The following PFKFB3 variants were observed in gnomAD, a reference collection of about 807,000 sequenced individuals.
PFKFB3 encodes the protein 6-phosphofructo-2-kinase/fructose-2,6-biphosphatase 3, also known as 6-phosphofructo-2-kinase/fructose-2,6-bisphosphatase 3.
PFKFB3 carries 33 observed loss-of-function variants against 68.0 expected under a neutral mutation model. That is an observed-to-expected ratio of 0.49 (90% confidence interval 0.37 to 0.65). The LOEUF (loss-of-function observed/expected upper bound fraction) is 0.65. PFKFB3 is among the 30% of genes least tolerant of loss of function. PFKFB3 has a pLI of 0.00. For missense variants in PFKFB3, 586 were observed against 712.2 expected (o/e 0.82, Z 2.02); for synonymous variants, 315 against 288.2 (o/e 1.09, Z -0.94).
chr10:6,241,187 G>A (rs922798694), intron 14 of PFKFB3, among the ~76,000 whole-genome samples: 13 of 152,138 alleles, frequency 8.5e-5, no homozygotes, highest in African/African-American at 3.1e-4. Flanking sequence ...TTACAGCTGT[G>A]AGCCACCGCG....
the PFKFB3 span, among the ~76,000 whole-genome samples, chr10:6,272,465 G>A: frequency 5.3e-5 from 8 of 152,086 alleles, no homozygotes; most frequent in South Asian, 2.1e-4. Flanking sequence ...AGGCCGAGGC[G>A]GGCGGATCAC....
chr10:6,159,070 C>A (rs1240595851), intron 1 of PFKFB3, among the ~76,000 whole-genome samples: 2 of 152,090 alleles, frequency 1.3e-5, no homozygotes. Context: ...AAATAGACAG[C>A]AACTCTCAAT....
At chr10:6,321,950 C>G in the PFKFB3 span, among the ~76,000 whole-genome samples, 1 of 152,224 alleles carries the variant, frequency 6.6e-6, no homozygotes, top group Non-Finnish European at 1.5e-5. Flanking sequence ...CTCTTTTCTT[C>G]TCTCCCATTC....
At chr10:6,219,119 G>A (rs985983535) in intron 6 of PFKFB3, among the ~76,000 whole-genome samples, 1 of 152,236 alleles carries the variant, frequency 6.6e-6, no homozygotes, top group African/African-American at 2.4e-5. Context: ...GCAGTGGGGG[G>A]TGGAGGAGAA....
At chr10:6,164,359 G>A (rs1376105783) in intron 1 of PFKFB3, among the ~76,000 whole-genome samples, 6 of 152,208 alleles carry the variant, frequency 3.9e-5, no homozygotes, top group Non-Finnish European at 7.4e-5. Flanking sequence ...TGGGGAGAGT[G>A]AGTGAGCGGG....
At chr10:6,181,780 A>G (rs1350236892) in intron 1 of PFKFB3, among the ~76,000 whole-genome samples, 3 of 146,974 alleles carry the variant, frequency 2.0e-5, no homozygotes, top group African/African-American at 7.6e-5. Flanking sequence ...CCTGGGCGAT[A>G]GAGTAAGACT....
At chr10:6,267,760 G>T in the PFKFB3 span, among the ~76,000 whole-genome samples, 1 of 151,780 alleles carries the variant, frequency 6.6e-6, no homozygotes, top group African/African-American at 2.4e-5. Context: ...TTCGAGACCA[G>T]CCTGGCCAAC....
chr10:6,152,843 T>G (rs933129992), intron 1 of PFKFB3, among the ~76,000 whole-genome samples: 4 of 151,924 alleles, frequency 2.6e-5, no homozygotes, highest in African/African-American at 9.7e-5. Context: ...ATCGTACCGC[T>G]GCACTCCAGC....
Position 6,216,212 on chromosome 10 carries a change from C to T in PFKFB3, c.366+21C>T, listed in dbSNP as rs748517372. 6.8e-5 allele frequency: 109 copies of T among 1,610,424 alleles called. No homozygotes were observed. The Admixed American group carries it at 1.5e-3, about 22-fold the overall frequency. ...TTGCGGTAAGTCCAGGCAATGTAGC[C>T]GGCTCGGTGTCCAGTCCCACCCATG... On this transcript the variant is annotated intron_variant, in intron 4 of 14. Transcript: ENST00000379775.
At chr10:6,321,016 C>A in the PFKFB3 span, among the ~76,000 whole-genome samples, 1 of 152,182 alleles carries the variant, frequency 6.6e-6, no homozygotes, top group South Asian at 2.1e-4. Context: ...CCTTTTTACC[C>A]TGCAGTGGAC....
rs1258962959 is a variant in PFKFB3, at chr10:6,159,707, AAAC to A, written c.16+14697_16+14699del. The stretch of plus-strand genomic sequence containing the variant: ...AACTCCGTCTGAGGAAAAAAAAAAA[AAAC>A]AAAACACCAAAAAACCAAAAACCAA... On this transcript the variant is annotated intron_variant, in intron 1 of 14. Coordinates refer to the PFKFB3 transcript ENST00000379789. Among the ~76,000 whole-genome samples, 3 of 151,546 alleles carry A rather than the reference AAAC, an allele frequency of 2.0e-5. No homozygotes were observed. The East Asian group carries it at 5.8e-4, about 29-fold the overall frequency.
chr10:6,225,762 C>T (rs980258415), intron 13 of PFKFB3, among the ~76,000 whole-genome samples: 7 of 151,358 alleles, frequency 4.6e-5, no homozygotes, highest in Non-Finnish European at 7.4e-5. Context: ...CTCGGGTCAG[C>T]GGAAGGGAGT....
At chr10:6,162,025 C>G (rs1841987990) in intron 1 of PFKFB3, among the ~76,000 whole-genome samples, 1 of 152,170 alleles carries the variant, frequency 6.6e-6, no homozygotes. Flanking sequence ...AAACTCTGCA[C>G]CCATTAAACA....
At chr10:6,205,051 AG>A (rs1217576552) in intron 1 of PFKFB3, among the ~76,000 whole-genome samples, 17 of 152,216 alleles carry the variant, frequency 1.1e-4, no homozygotes, top group Non-Finnish European at 1.9e-4. Context: ...ACACGCAGTG[AG>A]AGATTTGCCT....
the PFKFB3 span, among the ~76,000 whole-genome samples, chr10:6,289,998 C>G: frequency 6.6e-6 from 1 of 152,136 alleles, no homozygotes; most frequent in African/African-American, 2.4e-5. Flanking sequence ...TGATTTGGCT[C>G]TCTGTTTGTC....
the PFKFB3 span, among the ~76,000 whole-genome samples, chr10:6,312,568 C>T: frequency 1.3e-5 from 2 of 152,194 alleles, no homozygotes; most frequent in South Asian, 4.1e-4. Context: ...GCTGGCAATT[C>T]TAAACAATGT....
chr10:6,262,024 A>AAC, the PFKFB3 span, among the ~76,000 whole-genome samples: 414 of 151,222 alleles, frequency 2.7e-3, 2 homozygotes, highest in Non-Finnish European at 4.3e-3. Context: ...AAAAACAAAA[A>AAC]AAAAAACACA....
chr10:6,228,408 C>A lies in PFKFB3; in HGVS notation c.1515+2043C>A. 1.5e-6 allele frequency: 1 copy of A among 671,072 alleles called. No individual in the cohort carries two copies. The highest frequency in any genetic ancestry group is 2.7e-6 in the Non-Finnish European group (1 of 374,148). The allele number at this position is 671,072 out of a possible 1,614,324, so 41.6% of individuals were successfully genotyped here. ...GAATGTTTTTGGAAAAGCGTGCAGG[C>A]GGTCATGGTGGCTGCACTACTGTTG... On this transcript the variant is annotated intron_variant, in intron 14 of 14. Transcript: ENST00000379775. The surrounding 1 kb of genome is among the most constrained non-coding windows in gnomAD (Gnocchi z 4.5).
At chr10:6,257,657 G>T (rs1219384354), downstream of PFKFB3, among the ~76,000 whole-genome samples, 1 of 152,186 alleles carries the variant, frequency 6.6e-6, no homozygotes, top group Admixed American at 6.5e-5. Flanking sequence ...GGCATGTCCT[G>T]TGCCATGGAG....
Sources: gnomAD v4.1 joint callset for allele counts (sites outside exome capture counted in the v4.1 genomes callset) on GRCh38, gnomAD v4.1.1 for gene constraint, Gnocchi (gnomAD v3.1) non-coding constraint, MANE v1.5 for transcripts, NCBI Gene and HGNC (gene_info 2026-07-23, HGNC 2026-07-21) for gene names.